Variants in CHN2 observed in about 807,000 individuals in gnomAD.
The protein encoded by CHN2 is beta-chimaerin.
Under a neutral mutation model 56.3 loss-of-function variants are expected in CHN2, and 35 were observed. The ratio of observed to expected loss-of-function variants is 0.62; its 90% CI spans 0.47 to 0.82. The LOEUF (loss-of-function observed/expected upper bound fraction) is 0.82. Ranked by LOEUF, CHN2 falls within the 40% of genes least tolerant of loss-of-function variation. CHN2 has a pLI of 0.00. For synonymous variants in CHN2, 210 were observed against 212.8 expected (o/e 0.99, Z 0.12); for missense variants, 491 against 580.5 (o/e 0.85, Z 1.58).
intron 3 of CHN2, among the ~76,000 whole-genome samples, chr7:29,382,557 T>A (rs1041280857): frequency 1.3e-5 from 2 of 152,224 alleles, no homozygotes; most frequent in Non-Finnish European, 2.9e-5. Flanking sequence ...TATTGTGTTA[T>A]GCCATGAGGC....
At chr7:29,442,203 A>C (rs1783697303) in intron 6 of CHN2, among the ~76,000 whole-genome samples, 1 of 152,224 alleles carries the variant, frequency 6.6e-6, no homozygotes, top group Non-Finnish European at 1.5e-5. Flanking sequence ...TCAAATTTAA[A>C]AATCTGGAAA....
At chr7:29,280,711 T>G (rs1389203119) in intron 1 of CHN2, among the ~76,000 whole-genome samples, 1 of 152,228 alleles carries the variant, frequency 6.6e-6, no homozygotes, top group Non-Finnish European at 1.5e-5. Flanking sequence ...CTGGAAAGCC[T>G]GCCAATGGTG....
chr7:29,220,996 A>G (rs1474452657), intron 1 of CHN2, among the ~76,000 whole-genome samples: 1 of 152,224 alleles, frequency 6.6e-6, no homozygotes, highest in African/African-American at 2.4e-5. Flanking sequence ...AAGCCTCGTT[A>G]AAAGAATCAA....
chr7:29,314,669 C>T (rs1051177814), intron 1 of CHN2, among the ~76,000 whole-genome samples: 3 of 152,010 alleles, frequency 2.0e-5, no homozygotes, highest in African/African-American at 7.3e-5. Context: ...AGTGAGAGTT[C>T]ACTGAGCAGG....
At chr7:29,191,000 A>G (rs62444100), upstream of CHN2, among the ~76,000 whole-genome samples, 13,938 of 151,896 alleles carry the variant, frequency 0.092, 830 homozygotes, top group East Asian at 0.27. Context: ...AGTGGCATCA[A>G]CAGAGCTCAC....
chr7:29,305,269 A>C (rs1794050934), intron 1 of CHN2, among the ~76,000 whole-genome samples: 1 of 152,212 alleles, frequency 6.6e-6, no homozygotes, highest in South Asian at 2.1e-4. Context: ...AGAGGTATAA[A>C]AGATCCTTAT....
At chr7:29,499,304 C>T (rs559781249) in intron 8 of CHN2, among the ~76,000 whole-genome samples, 145 of 152,228 alleles carry the variant, frequency 9.5e-4, no homozygotes, top group Non-Finnish European at 1.8e-3. Flanking sequence ...GAAAGGAAAG[C>T]GGCCTACCCA....
At chr7:29,363,155 T>G (rs762654581) in intron 2 of CHN2, among the ~76,000 whole-genome samples, 2 of 152,188 alleles carry the variant, frequency 1.3e-5, no homozygotes, top group Non-Finnish European at 2.9e-5. Context: ...AGTATTGGGC[T>G]GATTCAAGAG....
chr7:29,427,965 C>T (rs1026883850), intron 6 of CHN2, among the ~76,000 whole-genome samples: 1 of 152,022 alleles, frequency 6.6e-6, no homozygotes, highest in Non-Finnish European at 1.5e-5. Flanking sequence ...ATTTTTTATT[C>T]ATGTTTATGT....
chr7:29,489,738 C>T (rs1029698721), intron 7 of CHN2, among the ~76,000 whole-genome samples: 17 of 152,088 alleles, frequency 1.1e-4, no homozygotes, highest in African/African-American at 3.9e-4. Context: ...CTCTTCGAGA[C>T]GTCTATGCAT....
Position 29,194,904 on chromosome 7 carries a change from C to G in CHN2, c.-38C>G, listed in dbSNP as rs1783451672. 1 of 1,506,960 alleles carries G rather than the reference C, an allele frequency of 6.6e-7. No homozygotes were observed. Among genetic ancestry groups the G allele is most frequent in the Non-Finnish European group, 8.8e-7 (1 of 1,131,940 alleles). The allele number at this position is 1,506,960 out of a possible 1,614,324, so 93.3% of individuals were successfully genotyped here. A position where few individuals can be genotyped will look rare whatever the true frequency, so the allele number is the denominator to read the frequency against. ...AGGGCAGCGGCGGCGGCGTCCGCAC[C>G]GGGGCTGAGCGAGCAGCGACGCGAG... is the stretch of plus-strand genomic sequence containing the variant. On this transcript the variant is annotated 5_prime_UTR_variant, in exon 1 of 13. Coordinates refer to ENST00000222792, the MANE Select transcript of CHN2 (RefSeq NM_004067.4).
chr7:29,342,165 G>C (rs555223612), intron 1 of CHN2, among the ~76,000 whole-genome samples: 1 of 152,324 alleles, frequency 6.6e-6, no homozygotes, highest in Admixed American at 6.5e-5. Context: ...TGGCACATAA[G>C]TATTTGCTGA....
At chr7:29,191,049 C>T (rs1782827949), upstream of CHN2, among the ~76,000 whole-genome samples, 1 of 152,082 alleles carries the variant, frequency 6.6e-6, no homozygotes, top group Non-Finnish European at 1.5e-5. Flanking sequence ...ATTCTCCCCC[C>T]TCAGCCTCCC....
At chr7:29,327,091 G>T (rs969305658) in intron 1 of CHN2, among the ~76,000 whole-genome samples, 1 of 152,160 alleles carries the variant, frequency 6.6e-6, no homozygotes, top group African/African-American at 2.4e-5. Context: ...ACTTAAGTCA[G>T]GGATGAGGAA....
chr7:29,435,894 C>CCTT lies in CHN2; in HGVS notation c.576+35066_576+35067insCTT, dbSNP rs368133824. On this transcript the variant is annotated intron_variant, in intron 6 of 12. Coordinates refer to ENST00000222792, the MANE Select transcript of CHN2 (RefSeq NM_004067.4). The stretch of plus-strand genomic sequence containing the variant: ...CTCTAAATCCTATCAGAAGCGCCTC[C>CCTT]TTTTTTTTTTTTTTTCTTTTTTCAT... Among the ~76,000 whole-genome samples the CCTT allele has an allele frequency of 2.2e-5, 3 of 137,424 alleles. No individual in the cohort carries two copies. The South Asian group carries it at 6.9e-4, about 32-fold the overall frequency. 90.2% of individuals were successfully genotyped at this position (137,424 alleles called of 152,430 possible).
intron 6 of CHN2, among the ~76,000 whole-genome samples, chr7:29,452,593 C>T (rs541670567): frequency 1.4e-4 from 22 of 152,326 alleles, no homozygotes; most frequent in Non-Finnish European, 2.4e-4. Flanking sequence ...GAAACCTACC[C>T]CATTGACTTG....
intron 1 of CHN2, among the ~76,000 whole-genome samples, chr7:29,221,374 G>A (rs1481756768): frequency 1.7e-4 from 26 of 152,150 alleles, no homozygotes; most frequent in Admixed American, 1.7e-3. Context: ...CTTTATACTA[G>A]CAATAAATAA....
chr7:29,284,459 C>T (rs1185907031), intron 1 of CHN2, among the ~76,000 whole-genome samples: 1 of 152,232 alleles, frequency 6.6e-6, no homozygotes, highest in African/African-American at 2.4e-5. Flanking sequence ...GCTCCAGATT[C>T]TTCTGCTGAC....
At chr7:29,502,350 A>T (rs2128581725) in intron 9 of CHN2, among the ~76,000 whole-genome samples, 1 of 152,258 alleles carries the variant, frequency 6.6e-6, no homozygotes, top group South Asian at 2.1e-4. Flanking sequence ...ACAGTTGGCC[A>T]CCACCATCTC....
Sources: allele counts gnomAD v4.1 joint callset (sites outside exome capture counted in the v4.1 genomes callset), GRCh38; gene constraint gnomAD v4.1.1; transcripts MANE v1.5; gene names NCBI Gene and HGNC (gene_info 2026-07-23, HGNC 2026-07-21).